Variants in GPRIN3 observed in about 807,000 individuals in gnomAD.
The protein encoded by GPRIN3 is GPRIN family member 3.
In GPRIN3, 12 loss-of-function variants were observed where a neutral mutation model predicts 13.7. The ratio of observed to expected loss-of-function variants is 0.87; its 90% CI spans 0.56 to 1.42. The LOEUF (loss-of-function observed/expected upper bound fraction) is 1.42, where lower values mean the gene tolerates loss of function less well. GPRIN3 is among the 40% of genes most tolerant of loss of function. The pLI is 0.00. For missense variants in GPRIN3, 1,009 were observed against 958.7 expected (o/e 1.05, Z -0.69); for synonymous variants, 377 against 372.7 (o/e 1.01, Z -0.13).
rs144548174 is a variant in GPRIN3, at chr4:89,261,719, AT to A, written c.-123-11487del. 3.2e-3 allele frequency among the ~76,000 whole-genome samples: 484 copies of A among 152,342 alleles called. 3 individuals carry two copies. The highest frequency in any genetic ancestry group is 0.011 in the African/African-American group (459 of 41,572). ...ATGAAATAACAACAGATTAGAAGCA[AT>A]TTAAATGTCCATTAATAAGAAGTTA... On this transcript the variant is annotated intron_variant, in intron 1 of 1. Coordinates refer to ENST00000609438, the MANE Select transcript of GPRIN3 (RefSeq NM_198281.3).
At chr4:89,298,296 T>C (rs571177807) in intron 1 of GPRIN3, among the ~76,000 whole-genome samples, 14 of 152,122 alleles carry the variant, frequency 9.2e-5, no homozygotes, top group African/African-American at 3.4e-4. Context: ...TCTACAACAT[T>C]AAGGAAGTGG....
chr4:89,270,587 A>ATATATATATT (rs1723918624), intron 1 of GPRIN3, among the ~76,000 whole-genome samples: 1 of 127,966 alleles, frequency 7.8e-6, no homozygotes, highest in Non-Finnish European at 1.6e-5. Flanking sequence ...ATATATATAT[A>ATATATATATT]TATATATATA....
At chr4:89,267,487 G>C (rs1723811626) in intron 1 of GPRIN3, among the ~76,000 whole-genome samples, 1 of 152,152 alleles carries the variant, frequency 6.6e-6, no homozygotes, top group Admixed American at 6.6e-5. Context: ...CTGCTTGATA[G>C]TACTAACCAG....
intron 1 of GPRIN3, among the ~76,000 whole-genome samples, chr4:89,257,716 A>G (rs1381823445): frequency 1.3e-5 from 2 of 152,112 alleles, no homozygotes; most frequent in Non-Finnish European, 2.9e-5. Flanking sequence ...TTTTTTGTGG[A>G]GGCAAACTCA....
intron 1 of GPRIN3, among the ~76,000 whole-genome samples, chr4:89,267,892 G>C (rs1012046787): frequency 1.3e-5 from 2 of 152,148 alleles, no homozygotes; most frequent in Admixed American, 1.3e-4. Context: ...CTTCAGCATA[G>C]TATATTCATA....
In GPRIN3 at chr4:89,307,773, G is replaced by A. The variant is rs1001759021; in HGVS notation, c.-282C>T. The A allele has an allele frequency of 6.6e-6, 1 of 152,324 alleles. No individual in the cohort carries two copies. Among genetic ancestry groups the A allele is most frequent in the Non-Finnish European group, 1.5e-5 (1 of 68,148 alleles). The allele number at this position is 152,324 out of a possible 1,614,324, so 9.4% of individuals were successfully genotyped here. A position where few individuals can be genotyped will look rare whatever the true frequency, so the allele number is the denominator to read the frequency against. ...TCAGCCCGGTCCCGGAGCGAGCTCC[G>A]TGCGTTCAGGAACTGAAATTACTAT... On this transcript the variant is annotated 5_prime_UTR_variant, in exon 1 of 2. The change creates a new upstream start codon in the 5' untranslated region. Transcript: ENST00000609438.
chr4:89,281,492 G>A (rs529200177), intron 1 of GPRIN3, among the ~76,000 whole-genome samples: 13 of 152,236 alleles, frequency 8.5e-5, no homozygotes, highest in African/African-American at 3.1e-4. Flanking sequence ...AGCACTAAGA[G>A]GATGGTACTA....
chr4:89,276,705 T>A (rs185755349), intron 1 of GPRIN3, among the ~76,000 whole-genome samples: 11 of 152,354 alleles, frequency 7.2e-5, no homozygotes, highest in African/African-American at 2.6e-4. Flanking sequence ...ATTAGCACAG[T>A]ACAGTGTTTC....
chr4:89,289,318 C>A (rs1339487714), intron 1 of GPRIN3, among the ~76,000 whole-genome samples: 2 of 151,712 alleles, frequency 1.3e-5, no homozygotes, highest in African/African-American at 4.8e-5. Context: ...ATAATTCTGC[C>A]AAAACAAACT....
intron 1 of GPRIN3, among the ~76,000 whole-genome samples, chr4:89,269,243 C>T (rs1171995319): frequency 4.6e-5 from 7 of 152,150 alleles, no homozygotes; most frequent in African/African-American, 1.7e-4. Flanking sequence ...AATGGTCCTG[C>T]TGGGTTTCCT....
chr4:89,290,751 T>C (rs2110014345), intron 1 of GPRIN3, among the ~76,000 whole-genome samples: 1 of 152,296 alleles, frequency 6.6e-6, no homozygotes, highest in Middle Eastern at 3.4e-3. Context: ...CAGCATGTAG[T>C]GCAGGATTTC....
At chr4:89,303,012 C>A (rs1177336771) in intron 1 of GPRIN3, among the ~76,000 whole-genome samples, 1 of 151,664 alleles carries the variant, frequency 6.6e-6, no homozygotes, top group African/African-American at 2.4e-5. Flanking sequence ...TGTTCTATTC[C>A]AGAGAAAAGA....
rs749078102 is a variant in GPRIN3 at position 89,240,323 on chromosome 4, C to T, written c.*7457G>A. The T allele has an allele frequency of 2.0e-5, 3 of 152,118 alleles. No individual in the cohort carries two copies. Among genetic ancestry groups the T allele is most frequent in the East Asian group, 1.9e-4 (1 of 5,178 alleles). The allele number at this position is 152,118 out of a possible 1,614,324, so 9.4% of individuals were successfully genotyped here. A position where few individuals can be genotyped will look rare whatever the true frequency, so the allele number is the denominator to read the frequency against. ...CCACCCAAGGGTTCATTGCTCATAT[C>T]CTATTATCTCACCAACATCATCTGC... On this transcript the variant is annotated 3_prime_UTR_variant, in exon 2 of 2. Coordinates refer to ENST00000609438, the MANE Select transcript of GPRIN3 (RefSeq NM_198281.3).
chr4:89,267,638 T>C (rs1185164368), intron 1 of GPRIN3, among the ~76,000 whole-genome samples: 1 of 152,238 alleles, frequency 6.6e-6, no homozygotes, highest in Non-Finnish European at 1.5e-5. Flanking sequence ...CCCCAGTCCA[T>C]CTCTGGCTTC....
intron 1 of GPRIN3, among the ~76,000 whole-genome samples, chr4:89,254,595 T>G (rs1397563132): frequency 6.6e-6 from 1 of 152,230 alleles, no homozygotes; most frequent in Non-Finnish European, 1.5e-5. Context: ...CCATGGTGTA[T>G]GCGTATCACA....
chr4:89,281,000 G>T (rs916101664), intron 1 of GPRIN3, among the ~76,000 whole-genome samples: 1 of 152,092 alleles, frequency 6.6e-6, no homozygotes, highest in Non-Finnish European at 1.5e-5. Flanking sequence ...CGTGGTGCTG[G>T]CATCCGCTAT....
At chr4:89,257,440 C>T (rs1306180283) in intron 1 of GPRIN3, among the ~76,000 whole-genome samples, 1 of 152,220 alleles carries the variant, frequency 6.6e-6, no homozygotes, top group East Asian at 1.9e-4. Context: ...TCTAAATTCA[C>T]AACAGATTAG....
rs540872659 is a variant in GPRIN3, at chr4:89,292,328, A to T, written c.-124+15287T>A. Among the ~76,000 whole-genome samples the T allele has an allele frequency of 4.7e-4, 72 of 152,220 alleles. 1 individual carries two copies. The highest frequency in any genetic ancestry group is 7.3e-4 in the Non-Finnish European group (50 of 68,036). ...TGTTTTCTTGCTTTACCAAGGGCTA[A>T]ATTGGAAAATATATTTGGGATTGTG... On this transcript the variant is annotated intron_variant, in intron 1 of 1. Transcript: ENST00000609438.
At chr4:89,305,631 C>T (rs989464524) in intron 1 of GPRIN3, among the ~76,000 whole-genome samples, 3 of 152,170 alleles carry the variant, frequency 2.0e-5, no homozygotes, top group Non-Finnish European at 2.9e-5. Flanking sequence ...CCAATATTTC[C>T]GTGTTTCCTG....
Sources: allele counts gnomAD v4.1 joint callset (sites outside exome capture counted in the v4.1 genomes callset), GRCh38; gene constraint gnomAD v4.1.1; transcripts MANE v1.5; gene names NCBI Gene and HGNC (gene_info 2026-07-23, HGNC 2026-07-21).